The following GNB1 variants were observed in gnomAD, a reference collection of about 807,000 sequenced individuals.
GNB1 encodes G protein subunit beta 1.
Under a neutral mutation model 42.9 loss-of-function variants are expected in GNB1, and 2 were observed. That is an observed-to-expected ratio of 0.05 (90% confidence interval 0.02 to 0.15). The LOEUF is 0.15. GNB1 is among the 10% of genes least tolerant of loss of function. The pLI is 1.00. For missense variants in GNB1, 193 were observed against 462.2 expected, an observed-to-expected ratio of 0.42 and a Z score of 5.34; for synonymous variants, 183 against 174.7, an observed-to-expected ratio of 1.05 and a Z score of -0.38.
chr1:1,835,922 G>GAAAAAAAAAAAAAAAAAAAAAA, intron 2 of GNB1, among the ~76,000 whole-genome samples: 1 of 88,676 alleles, frequency 1.1e-5, no homozygotes, highest in Non-Finnish European at 2.0e-5. Flanking sequence ...ATTAAAAAAA[G>GAAAAAAAAAAAAAAAAAAAAAA]AAAAAAAAAA....
At chr1:1,794,547 C>T (rs1032974720) in intron 7 of GNB1, among the ~76,000 whole-genome samples, 3 of 152,086 alleles carry the variant, frequency 2.0e-5, no homozygotes, top group Non-Finnish European at 4.4e-5. Flanking sequence ...AAAGCCTTCC[C>T]CCCAACTACA....
At chr1:1,806,730 T>C (rs1017517533) in intron 5 of GNB1, among the ~76,000 whole-genome samples, 192 bp from the exon 6 acceptor site, 10 of 152,158 alleles carry the variant, frequency 6.6e-5, no homozygotes, top group African/African-American at 2.4e-4. Context: ...TCCCAGCACT[T>C]TGGGAGGCTG....
At chr1:1,806,436 G>A (rs907058034) in intron 6 of GNB1, 39 bp downstream of exon 6, 6 of 1,206,946 alleles carry the variant, frequency 5.0e-6, no homozygotes, top group East Asian at 4.6e-5. Flanking sequence ...CCTGTTTCCT[G>A]GGTTGGTTTT....
intron 1 of GNB1, among the ~76,000 whole-genome samples, chr1:1,862,213 C>G (rs772639907): frequency 6.6e-6 from 1 of 152,154 alleles, no homozygotes; most frequent in Admixed American, 6.6e-5. Flanking sequence ...AGAGTAAAAC[C>G]TTGTCAAATA....
At chr1:1,805,831 G>A (rs115693580) in intron 6 of GNB1, among the ~76,000 whole-genome samples, 6 of 152,008 alleles carry the variant, frequency 3.9e-5, no homozygotes, top group African/African-American at 1.2e-4. Flanking sequence ...TGTGAGCCAC[G>A]GCGCCCAGCC....
intron 7 of GNB1, among the ~76,000 whole-genome samples, chr1:1,794,434 T>C (rs983801936): frequency 3.3e-5 from 5 of 152,152 alleles, no homozygotes; most frequent in Admixed American, 1.3e-4. Flanking sequence ...CCAGTTAGTG[T>C]GTGCCCAGGA....
intron 1 of GNB1, among the ~76,000 whole-genome samples, chr1:1,854,583 T>C (rs1648163323): frequency 1.3e-5 from 2 of 152,162 alleles, no homozygotes; most frequent in Admixed American, 1.3e-4. Flanking sequence ...GACAGATACA[T>C]CTCCTGTTAG....
chr1:1,831,922 C>A (rs1033836211), intron 2 of GNB1, among the ~76,000 whole-genome samples: 1 of 151,224 alleles, frequency 6.6e-6, no homozygotes, highest in Non-Finnish European at 1.5e-5. Flanking sequence ...AATTAGCTGG[C>A]GCAGTGGCAC....
intron 7 of GNB1, among the ~76,000 whole-genome samples, chr1:1,802,461 T>A (rs546661527): frequency 4.1e-4 from 63 of 152,262 alleles, no homozygotes; most frequent in Non-Finnish European, 4.1e-4. Flanking sequence ...AAATTTCACA[T>A]TGAATGATAA....
At chr1:1,852,315 G>A (rs925303213) in intron 1 of GNB1, among the ~76,000 whole-genome samples, 6 of 151,874 alleles carry the variant, frequency 4.0e-5, no homozygotes, top group East Asian at 2.0e-4. Context: ...TGCAAGCTCC[G>A]CCTCCCGGGT....
intron 2 of GNB1, among the ~76,000 whole-genome samples, chr1:1,835,803 T>C (rs1474965273): frequency 1.3e-5 from 2 of 151,194 alleles, no homozygotes; most frequent in Non-Finnish European, 2.9e-5. Context: ...CCAGGTGCAG[T>C]GACTCATGAC....
chr1:1,843,397 T>C (rs1647433190), intron 1 of GNB1, among the ~76,000 whole-genome samples: 1 of 151,976 alleles, frequency 6.6e-6, no homozygotes, highest in African/African-American at 2.4e-5. Context: ...TTAAAAAATA[T>C]ATATATATTT....
At chr1:1,809,446 C>A (rs1239359040) in intron 5 of GNB1, among the ~76,000 whole-genome samples, 1 of 152,198 alleles carries the variant, frequency 6.6e-6, no homozygotes, top group Admixed American at 6.5e-5. Context: ...CCACCGCACC[C>A]AGCCTTCAGT....
intron 1 of GNB1, among the ~76,000 whole-genome samples, chr1:1,862,046 G>A (rs1043463424): frequency 2.0e-5 from 3 of 151,754 alleles, no homozygotes; most frequent in South Asian, 2.1e-4. Flanking sequence ...CAGCCTGGGC[G>A]ACAGAGTGAG....
chr1:1,806,567 C>CG, intron 5 of GNB1, 29 bp from the exon 6 acceptor site: 1 of 1,467,292 alleles, frequency 6.8e-7, no homozygotes. Context: ...GCAAACCTAT[C>CG]AGTACCGCAC....
intron 1 of GNB1, among the ~76,000 whole-genome samples, chr1:1,853,556 AG>A (rs1403855704): frequency 1.3e-5 from 2 of 152,204 alleles, no homozygotes; most frequent in African/African-American, 4.8e-5. Flanking sequence ...CCACCAAGCA[AG>A]AAAAAAGACA....
chr1:1,848,752 A>G (rs1647818009), intron 1 of GNB1, among the ~76,000 whole-genome samples: 2 of 152,204 alleles, frequency 1.3e-5, no homozygotes, highest in African/African-American at 4.8e-5. Context: ...GTGATAGAAG[A>G]ATTTTGACTG....
intron 1 of GNB1, among the ~76,000 whole-genome samples, chr1:1,846,525 C>T (rs551153410): frequency 6.6e-6 from 1 of 152,140 alleles, no homozygotes; most frequent in Non-Finnish European, 1.5e-5. Context: ...AGAGATCATG[C>T]CACTGCACTC....
At chr1:1,798,501 A>G (rs1646576752) in intron 7 of GNB1, among the ~76,000 whole-genome samples, 1 of 152,234 alleles carries the variant, frequency 6.6e-6, no homozygotes, top group Admixed American at 6.5e-5. Flanking sequence ...ACGCTGTATC[A>G]TGAAGGCCTT....
Sources: allele counts gnomAD v4.1 joint callset (sites outside exome capture counted in the v4.1 genomes callset), GRCh38; gene constraint gnomAD v4.1.1; transcripts MANE v1.5; gene names NCBI Gene and HGNC (gene_info 2026-07-23, HGNC 2026-07-21).